Variants in NFIB observed in about 807,000 individuals in gnomAD.
NFIB encodes the protein nuclear factor 1 B-type.
Under a neutral mutation model 61.5 loss-of-function variants are expected in NFIB, and 11 were observed. That is an observed-to-expected ratio of 0.18 (90% CI 0.11 to 0.30). The LOEUF is 0.30. Ranked by LOEUF, NFIB falls within the 10% of genes least tolerant of loss-of-function variation. The pLI is 1.00. For synonymous variants in NFIB, 260 were observed against 216.5 expected, an observed-to-expected ratio of 1.20 and a Z score of -1.76; for missense variants, 471 against 608.9, an observed-to-expected ratio of 0.77 and a Z score of 2.38.
chr9:14,322,528 G>T (rs1418586929), intron 1 of NFIB, among the ~76,000 whole-genome samples: 3 of 152,078 alleles, frequency 2.0e-5, no homozygotes, highest in Non-Finnish European at 4.4e-5. Context: ...CCCGGCCCGC[G>T]CTCCTCCTGC....
the NFIB span, among the ~76,000 whole-genome samples, chr9:14,467,317 C>A: frequency 6.6e-6 from 1 of 152,182 alleles, no homozygotes. Flanking sequence ...CCCAGCACAG[C>A]CAGCACACAG....
intron 10 of NFIB, among the ~76,000 whole-genome samples, chr9:14,095,450 G>A (rs1409266878): frequency 6.6e-6 from 1 of 152,088 alleles, no homozygotes; most frequent in African/African-American, 2.4e-5. Flanking sequence ...AAGCCCACAT[G>A]TTGATTTCCA....
intron 2 of NFIB, among the ~76,000 whole-genome samples, chr9:14,198,556 C>T (rs1338311865): frequency 6.6e-6 from 1 of 152,164 alleles, no homozygotes; most frequent in Non-Finnish European, 1.5e-5. Context: ...GCCTTATTGT[C>T]ATTTCACAAT....
chr9:14,264,357 T>C (rs953691165), intron 2 of NFIB, among the ~76,000 whole-genome samples: 3 of 152,216 alleles, frequency 2.0e-5, no homozygotes, highest in Non-Finnish European at 2.9e-5. Flanking sequence ...TATTTCTATA[T>C]TTAGGTCATT....
intron 1 of NFIB, among the ~76,000 whole-genome samples, chr9:14,379,231 G>C (rs2061455599): frequency 6.6e-6 from 1 of 152,182 alleles, no homozygotes; most frequent in Non-Finnish European, 1.5e-5. Context: ...TGTTTGCTGA[G>C]ACAACCTGAA....
At chr9:14,179,385 C>T (rs2046509339) in intron 3 of NFIB, among the ~76,000 whole-genome samples, 2 of 151,966 alleles carry the variant, frequency 1.3e-5, no homozygotes, top group Admixed American at 6.6e-5. Flanking sequence ...GAAATTTTTA[C>T]ATTTTCTTAT....
chr9:14,460,269 C>CA, the NFIB span, among the ~76,000 whole-genome samples: 1 of 151,208 alleles, frequency 6.6e-6, no homozygotes, highest in Non-Finnish European at 1.5e-5. Context: ...ATAGCAAGGA[C>CA]AAAAAACCAA....
the NFIB span, among the ~76,000 whole-genome samples, chr9:14,476,832 T>A: frequency 1.3e-5 from 2 of 152,178 alleles, no homozygotes; most frequent in Non-Finnish European, 2.9e-5. Flanking sequence ...GACTTAAACC[T>A]GGAATGTTCT....
chr9:14,193,384 C>A (rs985305417), intron 2 of NFIB, among the ~76,000 whole-genome samples: 27 of 152,118 alleles, frequency 1.8e-4, no homozygotes, highest in African/African-American at 6.5e-4. Context: ...TTTCATGCCA[C>A]AAACAACTTC....
At chr9:14,300,623 C>T (rs2059698376) in intron 2 of NFIB, among the ~76,000 whole-genome samples, 1 of 152,162 alleles carries the variant, frequency 6.6e-6, no homozygotes, top group Non-Finnish European at 1.5e-5. Context: ...GAGCTTCAAA[C>T]AAAGCAATAA....
intron 1 of NFIB, among the ~76,000 whole-genome samples, chr9:14,360,898 T>C (rs1379790194): frequency 6.6e-6 from 1 of 152,148 alleles, no homozygotes; most frequent in Non-Finnish European, 1.5e-5. Flanking sequence ...GTTAATTTTG[T>C]ACCTTTTGAT....
chr9:14,310,129 G>A (rs2060212752), intron 1 of NFIB, among the ~76,000 whole-genome samples: 1 of 152,104 alleles, frequency 6.6e-6, no homozygotes, highest in South Asian at 2.1e-4. Context: ...ATTTTAATGA[G>A]TTATTTTAAA....
At chr9:14,401,702 T>A (rs925247728), upstream of NFIB, among the ~76,000 whole-genome samples, 2 of 152,226 alleles carry the variant, frequency 1.3e-5, no homozygotes, top group Non-Finnish European at 2.9e-5. Context: ...GCAGTGATGC[T>A]GAGTACTTTT....
intron 10 of NFIB, among the ~76,000 whole-genome samples, chr9:14,110,978 C>CT (rs917132562): frequency 2.0e-5 from 3 of 151,806 alleles, no homozygotes; most frequent in Admixed American, 6.6e-5. Flanking sequence ...CTATAAAGAA[C>CT]TTTTTTTTGC....
At chr9:14,143,683 A>G (rs1005917850) in intron 6 of NFIB, among the ~76,000 whole-genome samples, 2 of 152,188 alleles carry the variant, frequency 1.3e-5, no homozygotes, top group Non-Finnish European at 2.9e-5. Context: ...TATTATAAAT[A>G]CAAGACATGT....
At chr9:14,376,986 C>A (rs184371291) in intron 1 of NFIB, among the ~76,000 whole-genome samples, 1 of 152,144 alleles carries the variant, frequency 6.6e-6, no homozygotes, top group East Asian at 1.9e-4. Flanking sequence ...ATACTCAAGG[C>A]CAAAATTTCA....
At chr9:14,143,991 AGTGT>A (rs141101627) in intron 6 of NFIB, among the ~76,000 whole-genome samples, 5,982 of 134,198 alleles carry the variant, frequency 0.045, 406 homozygotes, top group African/African-American at 0.15. Flanking sequence ...AAAGTGACAG[AGTGT>A]GTGTGTGTGT....
At chr9:14,424,716 G>A in the NFIB span, among the ~76,000 whole-genome samples, 1 of 152,178 alleles carries the variant, frequency 6.6e-6, no homozygotes, top group Non-Finnish European at 1.5e-5. Flanking sequence ...CTCCGAGGGC[G>A]GGTTCTTGAC....
chr9:14,408,666 G>T, the NFIB span, among the ~76,000 whole-genome samples: 1 of 152,150 alleles, frequency 6.6e-6, no homozygotes, highest in African/African-American at 2.4e-5. Context: ...AACGAAAGTT[G>T]GATGTTTTAT....
Sources: allele counts gnomAD v4.1 joint callset (sites outside exome capture counted in the v4.1 genomes callset), GRCh38; gene constraint gnomAD v4.1.1; transcripts MANE v1.5; gene names NCBI Gene and HGNC (gene_info 2026-07-23, HGNC 2026-07-21).